Variants in EFCAB5 observed in about 807,000 individuals in gnomAD.
EFCAB5 encodes EF-hand calcium binding domain 5.
In EFCAB5, 131 loss-of-function variants were observed where a neutral mutation model predicts 167.9. That is an observed-to-expected ratio of 0.78 (90% CI 0.68 to 0.90). EFCAB5 has a LOEUF of 0.90. Among genes scored for constraint, EFCAB5 ranks in the 40% least tolerant of loss-of-function variants. The probability of loss-of-function intolerance (pLI) is 0.00; values close to 1 mark genes in which losing one functional copy is unlikely to be tolerated. For synonymous variants in EFCAB5, 574 were observed against 602.8 expected (o/e 0.95, Z 0.70); for missense variants, 1,663 against 1,745.2 (o/e 0.95, Z 0.84).
Position 30,080,059 on chromosome 17 carries a change from C to T in EFCAB5, c.3028-13C>T, listed in dbSNP as rs765897484. ...CTGTTGGCAAACACATGGTCGGAAA[C>T]GTTTTGCTGTAGGATGCTGAAGCCC... On this transcript the variant is annotated splice_polypyrimidine_tract_variant and intron_variant, in intron 15 of 22. Coordinates refer to ENST00000394835, the MANE Select transcript of EFCAB5 (RefSeq NM_198529.4). 4.4e-6 allele frequency: 7 copies of T among 1,594,688 alleles called. No homozygotes were observed. Among genetic ancestry groups the T allele is most frequent in the South Asian group, 1.1e-5 (1 of 87,408 alleles).
At chr17:30,050,990 C>G (rs756628015) in intron 8 of EFCAB5, 128 bp from the exon 9 acceptor site, 1 of 711,482 alleles carries the variant, frequency 1.4e-6, no homozygotes, top group Admixed American at 2.7e-5. Context: ...GATGCTGCAG[C>G]TTTTATTTAC....
intron 4 of EFCAB5, among the ~76,000 whole-genome samples, chr17:29,976,387 G>C (rs1210657515): frequency 1.3e-5 from 2 of 152,128 alleles, no homozygotes; most frequent in African/African-American, 2.4e-5. Flanking sequence ...AATAATCAAA[G>C]TTGCTTTGTT....
intron 4 of EFCAB5, 52 bp downstream of exon 4, chr17:29,969,419 C>A: frequency 7.1e-7 from 1 of 1,411,760 alleles, no homozygotes; most frequent in Non-Finnish European, 9.5e-7. Context: ...CATTGAAAAA[C>A]TAGTAGAAAA....
chr17:30,041,860 T>C (rs1597714732), intron 8 of EFCAB5, among the ~76,000 whole-genome samples: 1 of 152,224 alleles, frequency 6.6e-6, no homozygotes, highest in Non-Finnish European at 1.5e-5. Flanking sequence ...TATGGCTTGC[T>C]GAAGGCACAG....
At position 29,969,244 on chromosome 17, in the gene EFCAB5, G is replaced by A; in HGVS notation, c.644G>A (p.Gly215Glu). ...AAGTTTGACCCAATTAATTATTTGG[G>A]GGAATATTTAATAAGAAACAATCCT... is the stretch of plus-strand genomic sequence containing the variant. Reference protein sequence around the residue: ...PSKFDPINYLGEYLIRNNPNY... With the variant: ...PSKFDPINYLEEYLIRNNPNY... The change falls in exon 4 of 23, where the codon GGG becomes GAG. Residue 215 changes from glycine (G) to glutamate (E), a missense_variant. Gly to Glu is a moderately conservative substitution (Grantham distance 98). Transcript: ENST00000394835. 6.2e-7 allele frequency: 1 copy of A among 1,613,674 alleles called. No individual in the cohort carries two copies. Among genetic ancestry groups the A allele is most frequent in the Non-Finnish European group, 8.5e-7 (1 of 1,179,740 alleles).
intron 4 of EFCAB5, among the ~76,000 whole-genome samples, chr17:29,984,981 G>A (rs1213277509): frequency 6.6e-6 from 1 of 152,152 alleles, no homozygotes; most frequent in East Asian, 1.9e-4. Flanking sequence ...TTTAAAATAT[G>A]TCAGATTGTC....
chr17:30,100,995 G>A (rs150766063), intron 22 of EFCAB5, among the ~76,000 whole-genome samples: 318 of 152,290 alleles, frequency 2.1e-3, no homozygotes, highest in African/African-American at 5.5e-3. Context: ...GTCAGAGAAC[G>A]GGAGGTAAGT....
At chr17:30,035,437 A>G (rs781359155) in intron 8 of EFCAB5, among the ~76,000 whole-genome samples, 13 of 152,234 alleles carry the variant, frequency 8.5e-5, no homozygotes, top group Non-Finnish European at 1.3e-4. Flanking sequence ...AGGGGCAGAA[A>G]AACTACACTT....
chr17:30,090,482 A>C lies in EFCAB5; in HGVS notation c.3745A>C (p.Thr1249Pro). ...TGTTCTGGCTTCTGCCTGTGGAGAA[A>C]CGCATATAGTAGTTCCACTTCGTGA... ...EVVLASACGE[T>P]HIVVPLRERT... Residue 1249 changes from threonine to proline, a missense_variant, in exon 20 of 23, where the codon ACG becomes CCG. Physicochemically the swap from Thr to Pro is conservative, Grantham distance 38. Transcript: ENST00000394835. 5 of 1,613,984 alleles carry C rather than the reference A, an allele frequency of 3.1e-6. No individual in the cohort carries two copies. Among genetic ancestry groups the C allele is most frequent in the Non-Finnish European group, 3.4e-6 (4 of 1,179,884 alleles).
intron 7 of EFCAB5, among the ~76,000 whole-genome samples, chr17:30,033,909 T>C (rs2069548099): frequency 6.6e-6 from 1 of 152,212 alleles, no homozygotes; most frequent in Admixed American, 6.5e-5. Context: ...AATTTGCAGG[T>C]AGCATTTTAC....
At position 30,038,056 on chromosome 17, in the gene EFCAB5, GC is replaced by G. The variant is rs573768396; in HGVS notation, c.1200+3675del. On this transcript the variant is annotated intron_variant, in intron 8 of 22. Coordinates refer to ENST00000394835, the MANE Select transcript of EFCAB5 (RefSeq NM_198529.4). ...AAGCCAAGAGGTGGCTGAAAGCTGGGCCCCTTGCTCCAGTTAGCCAAGTTGT... is the reference window on the plus strand; with the variant it reads ...AAGCCAAGAGGTGGCTGAAAGCTGGGCCCTTGCTCCAGTTAGCCAAGTTGT... 5.3e-5 allele frequency among the ~76,000 whole-genome samples: 8 copies of G among 152,290 alleles called. No individual in the cohort carries two copies. In the South Asian group the frequency reaches 1.7e-3, roughly 32 times the overall value.
intron 3 of EFCAB5, among the ~76,000 whole-genome samples, chr17:29,956,781 A>C (rs2067623968): frequency 6.6e-6 from 1 of 152,172 alleles, no homozygotes; most frequent in Admixed American, 6.5e-5. Context: ...AGCAAAATTA[A>C]CCTGTAGTGT....
intron 3 of EFCAB5, among the ~76,000 whole-genome samples, chr17:29,962,616 G>A (rs1031357490): frequency 2.8e-5 from 4 of 143,600 alleles, no homozygotes; most frequent in Admixed American, 1.4e-4. Context: ...CTACGGGTAC[G>A]TGCCACCATG....
chr17:30,064,174 A>C (rs903541378), intron 14 of EFCAB5, among the ~76,000 whole-genome samples: 37 of 152,234 alleles, frequency 2.4e-4, no homozygotes, highest in African/African-American at 8.9e-4. Flanking sequence ...ACTGAAGAAA[A>C]GGAAATTAAT....
rs75268809 is a variant in EFCAB5 at position 30,015,586 on chromosome 17, G to A, written c.1044+15610G>A. Among the ~76,000 whole-genome samples, 724 of 152,086 alleles carry A rather than the reference G, an allele frequency of 4.8e-3. 4 individuals are homozygous for A. The highest frequency in any genetic ancestry group is 8.3e-3 in the Non-Finnish European group (562 of 67,996). ...TACATTCCCACCAGCGGTTTACAAG[G>A]GTTGCAATTGTTTCACATCCTTGCC... On this transcript the variant is annotated intron_variant, in intron 7 of 22. Coordinates refer to ENST00000394835, the MANE Select transcript of EFCAB5 (RefSeq NM_198529.4).
intron 22 of EFCAB5, among the ~76,000 whole-genome samples, chr17:30,100,205 A>T (rs1056916167): frequency 6.6e-6 from 1 of 152,190 alleles, no homozygotes; most frequent in African/African-American, 2.4e-5. Flanking sequence ...AACTAAAATT[A>T]TCTCAGTGCT....
intron 14 of EFCAB5, chr17:30,069,095 G>A (rs1390506008): frequency 6.9e-7 from 1 of 1,457,028 alleles, no homozygotes; most frequent in Admixed American, 1.7e-5. Flanking sequence ...AGAGCCATCC[G>A]AGTTAAAAGA....
intron 7 of EFCAB5, among the ~76,000 whole-genome samples, chr17:30,019,248 C>A (rs968481308): frequency 6.6e-6 from 1 of 151,610 alleles, no homozygotes; most frequent in Non-Finnish European, 1.5e-5. Flanking sequence ...AATGAACATT[C>A]TGATAAATAC....
chr17:30,068,701 G>A (rs2070646404), intron 14 of EFCAB5: 1 of 1,542,158 alleles, frequency 6.5e-7, no homozygotes, highest in Non-Finnish European at 8.9e-7. Flanking sequence ...GGCACTGGGA[G>A]TGGCAGTGGG....
Sources: allele counts gnomAD v4.1 joint callset (sites outside exome capture counted in the v4.1 genomes callset), GRCh38; gene constraint gnomAD v4.1.1; transcripts MANE v1.5; gene names NCBI Gene and HGNC (gene_info 2026-07-23, HGNC 2026-07-21).